Variants in TPMT observed in about 807,000 individuals in gnomAD.
The protein encoded by TPMT is S-adenosyl-L-methionine:thiopurine S-methyltransferase.
Under a neutral mutation model 34.2 loss-of-function variants are expected in TPMT, and 18 were observed. The ratio of observed to expected loss-of-function variants is 0.53; its 90% CI spans 0.36 to 0.78. TPMT has a LOEUF of 0.78. TPMT is among the 30% of genes least tolerant of loss of function. The pLI is 0.00. For synonymous variants in TPMT, 69 were observed against 92.4 expected, an observed-to-expected ratio of 0.75 and a Z score of 1.45; for missense variants, 265 against 288.1, an observed-to-expected ratio of 0.92 and a Z score of 0.58.
At position 18,136,193 on chromosome 6, in the gene TPMT, G is replaced by C. The variant is rs1315434941; in HGVS notation, c.495-2304C>G. Among the ~76,000 whole-genome samples, 1 of 151,686 alleles carries C rather than the reference G, an allele frequency of 6.6e-6. No homozygotes were observed. Among genetic ancestry groups the C allele is most frequent in the Non-Finnish European group, 1.5e-5 (1 of 67,960 alleles). ...AATGGATGATCATCTTCAGGGAGTG[G>C]GAAACACCTACAAATTTAGACATTA... On this transcript the variant is annotated intron_variant, in intron 6 of 8. Transcript: ENST00000309983. The surrounding 1 kb of genome is among the most constrained non-coding windows in gnomAD (Gnocchi z 4.7).
rs1784226661 is a variant in TPMT at position 18,145,187 on chromosome 6, A to G, written c.234-1459T>C. The stretch of plus-strand genomic sequence containing the variant: ...CACTATGCTAAATCACGCACTAAAA[A>G]TCCCCAGGCTGGTGGGGAAAGTGAG... On this transcript the variant is annotated intron_variant, in intron 3 of 8. Transcript: ENST00000309983. This position sits in a 1 kb window ranked among gnomAD's most constrained non-coding sequence, Gnocchi z 5.6. Among the ~76,000 whole-genome samples the G allele has an allele frequency of 6.6e-6, 1 of 152,134 alleles. No homozygotes were observed. The highest frequency in any genetic ancestry group is 2.1e-4 in the South Asian group (1 of 4,826).
intron 6 of TPMT, among the ~76,000 whole-genome samples, chr6:18,134,797 G>C (rs1457997634): frequency 6.6e-6 from 1 of 152,208 alleles, no homozygotes; most frequent in Non-Finnish European, 1.5e-5. Flanking sequence ...AGCTATGTGG[G>C]AATAAAAATG....
chr6:18,144,367 TTTTA>T (rs760696702), intron 3 of TPMT, among the ~76,000 whole-genome samples: 1 of 152,066 alleles, frequency 6.6e-6, no homozygotes, highest in African/African-American at 2.4e-5. Context: ...GTCCTGGTAA[TTTTA>T]TTTATTTATT....
chr6:18,137,345 C>G (rs1043679589), intron 6 of TPMT, among the ~76,000 whole-genome samples: 3 of 152,132 alleles, frequency 2.0e-5, no homozygotes, highest in African/African-American at 7.2e-5. Context: ...CTGTGTTGGC[C>G]AGGCTGGTCT....
rs775698594 is a variant in TPMT at position 18,148,390 on chromosome 6, T to TATGATGATG, written c.141-484_141-476dup. ...GACAGAAATAACCCAGTGTTTCTGG[T>TATGATGATG]ATGATGATGATGATGATGATGATGT... On this transcript the variant is annotated intron_variant, in intron 2 of 8. Transcript: ENST00000309983. This position sits in a 1 kb window ranked among gnomAD's most constrained non-coding sequence, Gnocchi z 4.1. Among the ~76,000 whole-genome samples the TATGATGATG allele has an allele frequency of 6.6e-6, 1 of 151,786 alleles. No individual in the cohort carries two copies. Among genetic ancestry groups the TATGATGATG allele is most frequent in the African/African-American group, 2.4e-5 (1 of 41,342 alleles).
intron 1 of TPMT, among the ~76,000 whole-genome samples, chr6:18,151,421 T>C (rs1344207618): frequency 6.6e-6 from 1 of 151,676 alleles, no homozygotes; most frequent in Non-Finnish European, 1.5e-5. Context: ...TGAGCTATGA[T>C]GGTGCCACTG....
In TPMT at chr6:18,138,375, T is replaced by G. The variant is rs1784083671; in HGVS notation, c.494+588A>C. 6.6e-6 allele frequency among the ~76,000 whole-genome samples: 1 copy of G among 151,850 alleles called. No homozygotes were observed. The highest frequency in any genetic ancestry group is 1.5e-5 in the Non-Finnish European group (1 of 67,972). On this transcript the variant is annotated intron_variant, in intron 6 of 8. Transcript: ENST00000309983. This position sits in a 1 kb window ranked among gnomAD's most constrained non-coding sequence, Gnocchi z 4.1. ...CAGCTTTGAACTTCTGGGCTCACCC[T>G]CCTGCCTCAGCCTCCCAAGTAGCTG... is the stretch of plus-strand genomic sequence containing the variant.
chr6:18,130,663 C>T lies in TPMT; in HGVS notation c.*5G>A. 6.5e-7 allele frequency: 1 copy of T among 1,547,576 alleles called. No homozygotes were observed. Among genetic ancestry groups the T allele is most frequent in the Non-Finnish European group, 8.9e-7 (1 of 1,121,278 alleles). On this transcript the variant is annotated 3_prime_UTR_variant, in exon 9 of 9. Coordinates refer to ENST00000309983, the MANE Select transcript of TPMT (RefSeq NM_000367.5). This position sits in a 1 kb window ranked among gnomAD's most constrained non-coding sequence, Gnocchi z 4.2. ...CAGTGTGATTTTATTTTATCTATGTCTCATTTACTTTTCTGTAAGTAGATA... is the reference window on the plus strand; with the variant it reads ...CAGTGTGATTTTATTTTATCTATGTTTCATTTACTTTTCTGTAAGTAGATA...
chr6:18,141,414 G>A (rs138928264), intron 4 of TPMT, among the ~76,000 whole-genome samples: 2 of 149,634 alleles, frequency 1.3e-5, no homozygotes, highest in African/African-American at 2.5e-5. Flanking sequence ...ATCTTGGCTC[G>A]CTGCAACCTC....
In TPMT at chr6:18,149,885, T is replaced by C. The variant is rs908687588; in HGVS notation, c.-44-714A>G. On this transcript the variant is annotated intron_variant, in intron 1 of 8. Transcript: ENST00000309983. This position sits in a 1 kb window ranked among gnomAD's most constrained non-coding sequence, Gnocchi z 5.0. ...AAATAAACTGAATTCTATCTTAATA[T>C]TAGTGTTTCCTCTGCTCTCACACCC... Among the ~76,000 whole-genome samples the C allele has an allele frequency of 2.0e-5, 3 of 152,236 alleles. No individual in the cohort carries two copies. Among genetic ancestry groups the C allele is most frequent in the African/African-American group, 7.2e-5 (3 of 41,442 alleles).
At position 18,150,481 on chromosome 6, in the gene TPMT, G is replaced by C. The variant is rs372050547; in HGVS notation, c.-44-1310C>G. On this transcript the variant is annotated intron_variant, in intron 1 of 8. Coordinates refer to ENST00000309983, the MANE Select transcript of TPMT (RefSeq NM_000367.5). This position sits in a 1 kb window ranked among gnomAD's most constrained non-coding sequence, Gnocchi z 5.3. ...AGAATTCTCTCCTGGAATCTGCCCTGATTATTCTCTAATCTTGGTAGACAG... is the reference window on the plus strand; with the variant it reads ...AGAATTCTCTCCTGGAATCTGCCCTCATTATTCTCTAATCTTGGTAGACAG... 6.6e-6 allele frequency among the ~76,000 whole-genome samples: 1 copy of C among 152,152 alleles called. No individual in the cohort carries two copies. Among genetic ancestry groups the C allele is most frequent in the African/African-American group, 2.4e-5 (1 of 41,426 alleles).
In TPMT at chr6:18,148,271, A is replaced by C. The variant is rs1194415197; in HGVS notation, c.141-356T>G. Among the ~76,000 whole-genome samples the C allele has an allele frequency of 2.0e-5, 3 of 152,142 alleles. No individual in the cohort carries two copies. The highest frequency in any genetic ancestry group is 7.2e-5 in the African/African-American group (3 of 41,440). ...TTCATGGTACGTTCTCTAAACGTGT[A>C]CTCAAGCCTCGGAAGTAAACCTGAG... On this transcript the variant is annotated intron_variant, in intron 2 of 8. Transcript: ENST00000309983. The surrounding 1 kb of genome is among the most constrained non-coding windows in gnomAD (Gnocchi z 4.1).
intron 6 of TPMT, among the ~76,000 whole-genome samples, chr6:18,137,499 T>C (rs746391367): frequency 7.9e-5 from 12 of 152,170 alleles, no homozygotes; most frequent in Middle Eastern, 3.2e-3. Flanking sequence ...CCATGCTATA[T>C]CCAAGTAAGC....
chr6:18,141,124 G>T (rs1377872162), intron 4 of TPMT, among the ~76,000 whole-genome samples: 2 of 152,096 alleles, frequency 1.3e-5, no homozygotes, highest in Non-Finnish European at 2.9e-5. Flanking sequence ...TTGGCCTGGG[G>T]TAAGACCTTT....
chr6:18,152,410 G>C (rs553495480), intron 1 of TPMT, among the ~76,000 whole-genome samples: 58 of 151,958 alleles, frequency 3.8e-4, no homozygotes, highest in Non-Finnish European at 7.9e-4. Flanking sequence ...CTGAACCATA[G>C]TTCAATATCC....
Position 18,132,771 on chromosome 6 carries a change from G to C in TPMT, c.581-594C>G, listed in dbSNP as rs1783969488. On this transcript the variant is annotated intron_variant, in intron 7 of 8. Coordinates refer to ENST00000309983, the MANE Select transcript of TPMT (RefSeq NM_000367.5). This position sits in a 1 kb window ranked among gnomAD's most constrained non-coding sequence, Gnocchi z 4.8. Reference sequence around the variant, plus strand: ...GACACTAGGTCTCATCTTTTAATGAGTTTTTAAGACCCCAATTTATTCAAG... The same window carrying C: ...GACACTAGGTCTCATCTTTTAATGACTTTTTAAGACCCCAATTTATTCAAG... 6.6e-6 allele frequency among the ~76,000 whole-genome samples: 1 copy of C among 151,922 alleles called. No individual in the cohort carries two copies. The highest frequency in any genetic ancestry group is 2.4e-5 in the African/African-American group (1 of 41,362).
rs1784297678 is a variant in TPMT, at chr6:18,148,943, CT to C, written c.140+44del. Reference sequence around the variant, plus strand: ...TTTTATTATTTCTATCTCAAAGTCACTTTTTGATAGAACATTTCTCTATTGT... The same window carrying C: ...TTTTATTATTTCTATCTCAAAGTCACTTTTGATAGAACATTTCTCTATTGT... On this transcript the variant is annotated intron_variant, in intron 2 of 8. Coordinates refer to ENST00000309983, the MANE Select transcript of TPMT (RefSeq NM_000367.5). The surrounding 1 kb of genome is among the most constrained non-coding windows in gnomAD (Gnocchi z 4.1). 1 of 1,611,714 alleles carries C rather than the reference CT, an allele frequency of 6.2e-7. No homozygotes were observed. Among genetic ancestry groups the C allele is most frequent in the African/African-American group, 1.3e-5 (1 of 74,844 alleles).
At position 18,133,890 on chromosome 6, in the gene TPMT, C is replaced by T. The variant is rs9333570; in HGVS notation, c.495-1G>A. On this transcript the variant is annotated splice_acceptor_variant, in intron 6 of 8. Transcript: ENST00000309983. LOFTEE classifies it high-confidence loss of function. ...GAGGGAAAACATTGTATCTGCATAG[C>T]TACAAAGAACACAAGAAGGTATTTG... 1.1e-5 allele frequency: 17 copies of T among 1,609,790 alleles called. No homozygotes were observed. The highest frequency in any genetic ancestry group is 1.4e-5 in the Non-Finnish European group (16 of 1,176,266).
rs1784018984 is a variant in TPMT at position 18,135,060 on chromosome 6, A to G, written c.495-1171T>C. Among the ~76,000 whole-genome samples, 2 of 152,210 alleles carry G rather than the reference A, an allele frequency of 1.3e-5. No homozygotes were observed. The highest frequency in any genetic ancestry group is 4.1e-4 in the South Asian group (2 of 4,834). ...ACCCCAGCTCCTCTACTGACTGGCT[A>G]TGTAAGCTTGACAAATTCTTAACCT... On this transcript the variant is annotated intron_variant, in intron 6 of 8. Transcript: ENST00000309983. The surrounding 1 kb of genome is among the most constrained non-coding windows in gnomAD (Gnocchi z 5.0).
Sources: gnomAD v4.1 joint callset for allele counts (sites outside exome capture counted in the v4.1 genomes callset) on GRCh38, gnomAD v4.1.1 for gene constraint, Gnocchi (gnomAD v3.1) non-coding constraint, MANE v1.5 for transcripts, NCBI Gene and HGNC (gene_info 2026-07-23, HGNC 2026-07-21) for gene names.